Variants in KCTD16 observed in about 807,000 individuals in gnomAD.
KCTD16 encodes potassium channel tetramerization domain containing 16.
In KCTD16, 13 loss-of-function variants were observed where a neutral mutation model predicts 33.2. That is an observed-to-expected ratio of 0.39 (90% CI 0.25 to 0.62). The LOEUF (loss-of-function observed/expected upper bound fraction) is 0.62. Among genes scored for constraint, KCTD16 ranks in the 20% least tolerant of loss-of-function variants. The pLI is 0.50. For missense variants in KCTD16, 441 were observed against 525.1 expected, an observed-to-expected ratio of 0.84 and a Z score of 1.57; for synonymous variants, 197 against 195.3, an observed-to-expected ratio of 1.01 and a Z score of -0.07.
intron 3 of KCTD16, chr5:144,439,244 T>C (rs1190830003): frequency 4.7e-5 from 12 of 256,256 alleles, no homozygotes; most frequent in African/African-American, 1.4e-4. Context: ...AGAAATACAA[T>C]GATGAGGGGT....
At chr5:144,435,002 T>C (rs1753544030) in intron 3 of KCTD16, among the ~76,000 whole-genome samples, 2 of 152,244 alleles carry the variant, frequency 1.3e-5, no homozygotes, top group South Asian at 2.1e-4. Context: ...AGCTAGAAGA[T>C]GTGCTGTGAA....
At chr5:144,343,288 C>T (rs1752695924) in intron 3 of KCTD16, among the ~76,000 whole-genome samples, 1 of 151,978 alleles carries the variant, frequency 6.6e-6, no homozygotes, top group South Asian at 2.1e-4. Context: ...GATTCAACTT[C>T]TTCCTGGTTT....
chr5:144,192,484 G>C (rs533560667), intron 2 of KCTD16, among the ~76,000 whole-genome samples: 1 of 152,190 alleles, frequency 6.6e-6, no homozygotes, highest in South Asian at 2.1e-4. Context: ...ACCAGGGAAC[G>C]AATAAAGCGA....
At chr5:144,212,044 G>T (rs192705080) in intron 3 of KCTD16, among the ~76,000 whole-genome samples, 8 of 152,234 alleles carry the variant, frequency 5.3e-5, no homozygotes, top group Non-Finnish European at 5.9e-5. Flanking sequence ...TGTGGATCAG[G>T]CATCCTTTTA....
chr5:144,397,545 C>G (rs1303420984), intron 3 of KCTD16, among the ~76,000 whole-genome samples: 1 of 152,170 alleles, frequency 6.6e-6, no homozygotes, highest in Non-Finnish European at 1.5e-5. Flanking sequence ...ATCCCACCAA[C>G]AGTGTAAAAG....
intron 3 of KCTD16, among the ~76,000 whole-genome samples, chr5:144,394,850 T>C (rs750194576): frequency 3.3e-5 from 5 of 152,246 alleles, no homozygotes; most frequent in Non-Finnish European, 7.3e-5. Flanking sequence ...TTAAACTTCT[T>C]TCCTTTAAAA....
At chr5:144,446,693 C>A (rs944004818) in intron 3 of KCTD16, among the ~76,000 whole-genome samples, 2 of 151,996 alleles carry the variant, frequency 1.3e-5, no homozygotes, top group Non-Finnish European at 2.9e-5. Context: ...CTACAAGGAA[C>A]TTAAAGACAT....
At chr5:144,400,023 C>T (rs903113402) in intron 3 of KCTD16, among the ~76,000 whole-genome samples, 2 of 152,202 alleles carry the variant, frequency 1.3e-5, no homozygotes, top group South Asian at 4.1e-4. Flanking sequence ...GTCTCAGCAT[C>T]TCTTTACTTT....
intron 3 of KCTD16, among the ~76,000 whole-genome samples, chr5:144,332,370 G>A (rs1459715948): frequency 3.9e-5 from 6 of 152,046 alleles, no homozygotes; most frequent in Non-Finnish European, 7.4e-5. Context: ...GAACAGGGCT[G>A]TAAACACAGG....
intron 3 of KCTD16, among the ~76,000 whole-genome samples, chr5:144,219,306 T>C (rs1240380147): frequency 6.6e-6 from 1 of 152,092 alleles, no homozygotes; most frequent in Non-Finnish European, 1.5e-5. Context: ...CTCCATTTCC[T>C]GGGTCCAAGC....
At chr5:144,452,230 C>G (rs1753960549) in intron 3 of KCTD16, among the ~76,000 whole-genome samples, 1 of 150,610 alleles carries the variant, frequency 6.6e-6, no homozygotes, top group Admixed American at 6.6e-5. Flanking sequence ...ACCCTGAGAT[C>G]CTGAGATTGA....
At chr5:144,177,981 A>G (rs1240508257) in intron 2 of KCTD16, among the ~76,000 whole-genome samples, 1 of 152,166 alleles carries the variant, frequency 6.6e-6, no homozygotes, top group East Asian at 1.9e-4. Flanking sequence ...CAGAGTGGCA[A>G]ACCTTTTGAA....
chr5:144,234,713 A>G (rs904305421), intron 3 of KCTD16, among the ~76,000 whole-genome samples: 2 of 152,116 alleles, frequency 1.3e-5, no homozygotes, highest in Admixed American at 6.6e-5. Context: ...AATGGCATCT[A>G]TGGGAAAACA....
chr5:144,422,659 A>G (rs1753236790), intron 3 of KCTD16, among the ~76,000 whole-genome samples: 1 of 152,206 alleles, frequency 6.6e-6, no homozygotes, highest in Admixed American at 6.5e-5. Flanking sequence ...ATGAGTTTAT[A>G]TAATGAAAGA....
chr5:144,457,831 T>C (rs1481618964), intron 3 of KCTD16, among the ~76,000 whole-genome samples: 1 of 152,116 alleles, frequency 6.6e-6, no homozygotes, highest in Admixed American at 6.5e-5. Context: ...TTTAAAGAAT[T>C]TGGCCATGGT....
chr5:144,408,609 G>C (rs1752864475), intron 3 of KCTD16, among the ~76,000 whole-genome samples: 1 of 152,048 alleles, frequency 6.6e-6, no homozygotes, highest in African/African-American at 2.4e-5. Flanking sequence ...ACAGTACTTT[G>C]GTAAAAAATG....
At chr5:144,303,881 A>T (rs765485390) in intron 3 of KCTD16, among the ~76,000 whole-genome samples, 3 of 152,176 alleles carry the variant, frequency 2.0e-5, no homozygotes, top group Non-Finnish European at 4.4e-5. Context: ...AAAAGACAGG[A>T]ATTAGTTCTG....
At chr5:144,228,298 G>A (rs1318061632) in intron 3 of KCTD16, among the ~76,000 whole-genome samples, 3 of 152,172 alleles carry the variant, frequency 2.0e-5, no homozygotes, top group Non-Finnish European at 4.4e-5. Context: ...TGTCCTGGAA[G>A]CCAGGTGAAA....
intron 3 of KCTD16, among the ~76,000 whole-genome samples, chr5:144,391,378 C>G (rs1364373064): frequency 6.6e-6 from 1 of 152,172 alleles, no homozygotes; most frequent in African/African-American, 2.4e-5. Context: ...TTCCTTTGGG[C>G]AGAGATTCTG....
Sources: gnomAD v4.1 joint callset for allele counts (sites outside exome capture counted in the v4.1 genomes callset) on GRCh38, gnomAD v4.1.1 for gene constraint, MANE v1.5 for transcripts, NCBI Gene and HGNC (gene_info 2026-07-23, HGNC 2026-07-21) for gene names.